The following CSMD1 variants were observed in gnomAD, a reference collection of about 807,000 sequenced individuals.
The protein encoded by CSMD1 is CUB and sushi domain-containing protein 1.
CSMD1 carries 213 observed loss-of-function variants against 417.5 expected under a neutral mutation model. That is an observed-to-expected ratio of 0.51 (90% confidence interval 0.46 to 0.57). The LOEUF (loss-of-function observed/expected upper bound fraction) is 0.57. Ranked by LOEUF, CSMD1 falls within the 20% of genes least tolerant of loss-of-function variation. The probability of loss-of-function intolerance (pLI) is 0.00; values close to 1 mark genes in which losing one functional copy is unlikely to be tolerated. For synonymous variants in CSMD1, 2,862 were observed against 1,736.8 expected, an observed-to-expected ratio of 1.65 and a Z score of -16.11; for missense variants, 6,923 against 4,529.7, an observed-to-expected ratio of 1.53 and a Z score of -15.17.
chr8:3,260,592 G>T (rs910809489), intron 26 of CSMD1, among the ~76,000 whole-genome samples: 1 of 150,304 alleles, frequency 6.7e-6, no homozygotes, highest in Non-Finnish European at 1.5e-5. Flanking sequence ...AACCCCCCTC[G>T]AAGAGCAGAG....
intron 1 of CSMD1, among the ~76,000 whole-genome samples, chr8:4,940,766 T>C (rs553847522): frequency 7.2e-5 from 11 of 152,282 alleles, no homozygotes; most frequent in East Asian, 1.9e-4. Flanking sequence ...TGCTTCAACA[T>C]AGAAAATGAG....
intron 3 of CSMD1, among the ~76,000 whole-genome samples, chr8:4,242,845 C>T (rs973571188): frequency 6.6e-6 from 1 of 152,026 alleles, no homozygotes; most frequent in Middle Eastern, 3.2e-3. Context: ...AGTGAAGTCA[C>T]TAGGTAAATT....
intron 12 of CSMD1, among the ~76,000 whole-genome samples, chr8:3,458,530 T>G (rs1486507604): frequency 6.6e-6 from 1 of 152,238 alleles, no homozygotes; most frequent in African/African-American, 2.4e-5. Flanking sequence ...AATATCTTTC[T>G]AATATATAGT....
At chr8:4,484,182 C>A (rs1469562670) in intron 2 of CSMD1, among the ~76,000 whole-genome samples, 1 of 148,006 alleles carries the variant, frequency 6.8e-6, no homozygotes, top group Non-Finnish European at 1.5e-5. Flanking sequence ...AGTGATTGGA[C>A]TGCAGCTTGG....
At chr8:4,275,939 G>A (rs1464005575) in intron 3 of CSMD1, among the ~76,000 whole-genome samples, 1 of 152,116 alleles carries the variant, frequency 6.6e-6, no homozygotes, top group Non-Finnish European at 1.5e-5. Flanking sequence ...GTGTAAAAAG[G>A]AAACCATGAA....
chr8:3,424,467 C>G (rs117661345), intron 12 of CSMD1, among the ~76,000 whole-genome samples: 1 of 152,004 alleles, frequency 6.6e-6, no homozygotes, highest in Non-Finnish European at 1.5e-5. Flanking sequence ...TGTTTGTATG[C>G]GAATATGTGT....
chr8:4,905,678 G>C (rs113377025), intron 1 of CSMD1, among the ~76,000 whole-genome samples: 2 of 151,854 alleles, frequency 1.3e-5, no homozygotes, highest in Middle Eastern at 3.4e-3. Context: ...AAATTAGCCG[G>C]GCGTGGTGGC....
chr8:4,725,009 G>A (rs537590970), intron 1 of CSMD1, among the ~76,000 whole-genome samples: 1 of 152,028 alleles, frequency 6.6e-6, no homozygotes, highest in Non-Finnish European at 1.5e-5. Context: ...AGTCGTGAAA[G>A]AACACGTTTT....
chr8:3,545,698 GC>G (rs1404986333), intron 10 of CSMD1, among the ~76,000 whole-genome samples: 1 of 152,156 alleles, frequency 6.6e-6, no homozygotes, highest in Non-Finnish European at 1.5e-5. Context: ...ACACTTAACT[GC>G]GAATCACAGC....
chr8:4,809,999 G>A (rs537978256), intron 1 of CSMD1, among the ~76,000 whole-genome samples: 5 of 152,180 alleles, frequency 3.3e-5, no homozygotes, highest in African/African-American at 1.2e-4. Flanking sequence ...GGAATATCAA[G>A]TGAATATATG....
chr8:4,612,028 T>A (rs1433043396), intron 2 of CSMD1, among the ~76,000 whole-genome samples: 1 of 152,116 alleles, frequency 6.6e-6, no homozygotes, highest in Non-Finnish European at 1.5e-5. Flanking sequence ...CTAATTGGAA[T>A]GAAAAGAAAG....
chr8:3,295,944 C>G (rs974903171), intron 25 of CSMD1, among the ~76,000 whole-genome samples: 1 of 151,978 alleles, frequency 6.6e-6, no homozygotes, highest in Non-Finnish European at 1.5e-5. Context: ...CATACATCTG[C>G]CAAGTTGAGT....
intron 1 of CSMD1, among the ~76,000 whole-genome samples, chr8:4,877,948 G>C (rs1019359102): frequency 4.6e-5 from 7 of 152,042 alleles, no homozygotes; most frequent in African/African-American, 1.7e-4. Context: ...CCCAAACAGA[G>C]ACACACTATA....
intron 3 of CSMD1, among the ~76,000 whole-genome samples, chr8:4,152,694 A>G (rs1313894110): frequency 1.3e-5 from 2 of 151,870 alleles, no homozygotes; most frequent in Non-Finnish European, 2.9e-5. Context: ...TGTCTCAAAA[A>G]AGAAAAAAAA....
At chr8:4,184,561 T>A (rs1040795800) in intron 3 of CSMD1, among the ~76,000 whole-genome samples, 2 of 151,970 alleles carry the variant, frequency 1.3e-5, no homozygotes, top group Non-Finnish European at 2.9e-5. Flanking sequence ...GTCCTTTGCA[T>A]GAGCATGGAT....
Position 2,978,642 on chromosome 8 carries a change from A to C in CSMD1, c.8536T>G (p.Leu2846Val). ...CACTTGGGCAGGGATCGGTCCCATA[A>C]GCCATTTGCCATACAGGTCAAGGCT... Reference protein sequence around the residue: ...SSALTCMANGLWDRSLPKCLA... With the variant: ...SSALTCMANGVWDRSLPKCLA... The change falls in exon 55 of 70, where the codon TTA (leucine) becomes GTA (valine). Residue 2846 changes from leucine to valine, a missense_variant. By Grantham distance (32) the Leu-to-Val change is conservative. Coordinates refer to ENST00000635120, the MANE Select transcript of CSMD1 (RefSeq NM_033225.6). 1 of 1,603,190 alleles carries C rather than the reference A, an allele frequency of 6.2e-7. No individual in the cohort carries two copies. Among genetic ancestry groups the C allele is most frequent in the South Asian group, 1.1e-5 (1 of 88,724 alleles).
chr8:4,280,488 C>T (rs954745486), intron 3 of CSMD1, among the ~76,000 whole-genome samples: 4 of 152,202 alleles, frequency 2.6e-5, no homozygotes, highest in Non-Finnish European at 5.9e-5. Flanking sequence ...ATATCCTCCA[C>T]ATTTCACAGA....
At chr8:4,279,784 G>A (rs1796679186) in intron 3 of CSMD1, among the ~76,000 whole-genome samples, 1 of 152,320 alleles carries the variant, frequency 6.6e-6, no homozygotes. Context: ...ATATGGAGGA[G>A]GCCAGGAGTG....
chr8:3,219,352 C>T lies in CSMD1; in HGVS notation c.4575G>A (p.Gln1525=), dbSNP rs1245346207. ...CGCTACTCTCTATTCTTTCTGGGGC[C>T]TGAGAGCCCTGGTAACTCCCAATGA... ...SPLIGSYQGS[Q]APERIESSGN... The change falls in exon 29 of 70, where the codon CAG becomes CAA. Residue 1525 remains glutamine, a synonymous_variant. Transcript: ENST00000635120. The T allele has an allele frequency of 6.4e-7, 1 of 1,574,114 alleles. No homozygotes were observed.
Sources: allele counts gnomAD v4.1 joint callset (sites outside exome capture counted in the v4.1 genomes callset), GRCh38; gene constraint gnomAD v4.1.1; transcripts MANE v1.5; gene names NCBI Gene and HGNC (gene_info 2026-07-23, HGNC 2026-07-21).